Variants in CBFA2T3 observed in about 807,000 individuals in gnomAD.
The protein encoded by CBFA2T3 is transcriptional corepressor CBFA2T3.
Under a neutral mutation model 58.6 loss-of-function variants are expected in CBFA2T3, and 31 were observed. That is an observed-to-expected ratio of 0.53 (90% CI 0.40 to 0.71). The LOEUF (loss-of-function observed/expected upper bound fraction) is 0.71, where lower values mean the gene tolerates loss of function less well. CBFA2T3 is among the 30% of genes least tolerant of loss of function. The pLI, the probability that CBFA2T3 is intolerant of heterozygous loss-of-function variation, is 0.00. For missense variants in CBFA2T3, 1,076 were observed against 963.1 expected (o/e 1.12, Z -1.55); for synonymous variants, 531 against 421.9 (o/e 1.26, Z -3.17).
chr16:88,877,307 G>C, intron 11 of CBFA2T3, 32 bp from the exon 12 acceptor site: 1 of 1,512,194 alleles, frequency 6.6e-7, no homozygotes, highest in East Asian at 2.5e-5. Context: ...AGTCAGGGCT[G>C]GGTCTGGCCA....
intron 1 of CBFA2T3, among the ~76,000 whole-genome samples, chr16:88,975,193 TCAGAGGTCCAC>T (rs1972808882): frequency 9.4e-6 from 1 of 106,312 alleles, no homozygotes; most frequent in Admixed American, 9.0e-5. Context: ...TTTAGCCATG[TCAGAGGTCCAC>T]CCTGACCCTC....
intron 1 of CBFA2T3, among the ~76,000 whole-genome samples, chr16:88,957,101 C>T (rs570437779): frequency 4.7e-4 from 71 of 152,362 alleles, no homozygotes; most frequent in African/African-American, 1.7e-3. Flanking sequence ...CGCCCTTGGG[C>T]TTCAGGCCCC....
intron 1 of CBFA2T3, among the ~76,000 whole-genome samples, chr16:88,956,220 C>T (rs1972216752): frequency 6.6e-6 from 1 of 152,288 alleles, no homozygotes; most frequent in African/African-American, 2.4e-5. Flanking sequence ...ACAGAATGGC[C>T]AGGAAACTGA....
intron 2 of CBFA2T3, among the ~76,000 whole-genome samples, chr16:88,900,764 C>T (rs1488340274): frequency 6.6e-6 from 1 of 152,240 alleles, no homozygotes; most frequent in Non-Finnish European, 1.5e-5. Context: ...GGCCAAAGAG[C>T]ACCAATGTCT....
chr16:88,969,358 C>T (rs997313419), intron 1 of CBFA2T3, among the ~76,000 whole-genome samples: 2 of 152,194 alleles, frequency 1.3e-5, no homozygotes, highest in African/African-American at 4.8e-5. Flanking sequence ...TACTGGGCTC[C>T]CTCCCGGCTG....
chr16:88,915,704 CGGG>C (rs1169480409), intron 1 of CBFA2T3, among the ~76,000 whole-genome samples: 1 of 31,374 alleles, frequency 3.2e-5, no homozygotes, highest in Non-Finnish European at 6.0e-5. Context: ...GGAGCGTGGA[CGGG>C]GGGAGCGTGG....
At chr16:88,884,382 G>A (rs1969269531) in intron 7 of CBFA2T3, among the ~76,000 whole-genome samples, 1 of 152,190 alleles carries the variant, frequency 6.6e-6, no homozygotes, top group South Asian at 2.1e-4. Context: ...ACCATCTCTG[G>A]GTTCTCAGCA....
At chr16:88,895,427 G>C (rs552136655) in intron 3 of CBFA2T3, among the ~76,000 whole-genome samples, 182 of 152,350 alleles carry the variant, frequency 1.2e-3, no homozygotes, top group African/African-American at 4.2e-3. Flanking sequence ...CCTGCACACA[G>C]GCTGCGCGGT....
At chr16:88,896,514 C>G (rs904347096) in intron 3 of CBFA2T3, among the ~76,000 whole-genome samples, 2 of 152,200 alleles carry the variant, frequency 1.3e-5, no homozygotes, top group Non-Finnish European at 2.9e-5. Context: ...TTCTGAGCCT[C>G]TGTCCGGAGG....
Position 88,885,914 on chromosome 16 carries a change from G to A in CBFA2T3, c.893+47C>T, listed in dbSNP as rs1293815422. On this transcript the variant is annotated intron_variant, in intron 6 of 11. Transcript: ENST00000268679. This position sits in a 1 kb window ranked among gnomAD's most constrained non-coding sequence, Gnocchi z 5.3. ...TACCCAGAGGGGAGCAGGGTGAGCC[G>A]CGTGTCCACGGCACCCCCAGCCCAG... 46 of 1,496,444 alleles carry A rather than the reference G, an allele frequency of 3.1e-5. No homozygotes were observed. The highest frequency in any genetic ancestry group is 8.4e-5 in the African/African-American group (6 of 71,784). The allele number at this position is 1,496,444 out of a possible 1,614,324, so 92.7% of individuals were successfully genotyped here.
chr16:88,892,129 G>C (rs1476874990), intron 4 of CBFA2T3, 115 bp downstream of exon 4: 2 of 1,427,612 alleles, frequency 1.4e-6, no homozygotes, highest in African/African-American at 2.8e-5. Flanking sequence ...CGTGGGAGCG[G>C]GTCCACGCCC....
intron 5 of CBFA2T3, chr16:88,887,203 T>C (rs1969414681): frequency 6.6e-6 from 1 of 152,298 alleles, no homozygotes; most frequent in Non-Finnish European, 1.5e-5. Flanking sequence ...CACGAGTGCA[T>C]CCACCAGGCC....
chr16:88,968,738 T>C (rs1972576275), intron 1 of CBFA2T3, among the ~76,000 whole-genome samples: 1 of 152,102 alleles, frequency 6.6e-6, no homozygotes, highest in Non-Finnish European at 1.5e-5. Flanking sequence ...GCAAGAAGCT[T>C]CGGGGTCCAG....
At chr16:88,895,661 G>A (rs1011717909) in intron 3 of CBFA2T3, among the ~76,000 whole-genome samples, 1 of 152,168 alleles carries the variant, frequency 6.6e-6, no homozygotes, top group Non-Finnish European at 1.5e-5. Flanking sequence ...GGGGCCCAGC[G>A]CTCACTCTGC....
At chr16:88,946,411 A>T (rs1971902971) in intron 1 of CBFA2T3, among the ~76,000 whole-genome samples, 1 of 152,212 alleles carries the variant, frequency 6.6e-6, no homozygotes, top group South Asian at 2.1e-4. Flanking sequence ...ATGTAAAATG[A>T]TGGAAGTAGT....
chr16:88,951,880 G>A (rs1972083136), intron 1 of CBFA2T3, among the ~76,000 whole-genome samples: 1 of 152,220 alleles, frequency 6.6e-6, no homozygotes, highest in Non-Finnish European at 1.5e-5. Flanking sequence ...GGGTCTGTGG[G>A]GCCTGAAACC....
At chr16:88,966,945 C>A (rs1333541451) in intron 1 of CBFA2T3, among the ~76,000 whole-genome samples, 2 of 152,228 alleles carry the variant, frequency 1.3e-5, no homozygotes, top group African/African-American at 4.8e-5. Flanking sequence ...ACACTCTAGT[C>A]CCTGTGGCCA....
intron 7 of CBFA2T3, chr16:88,883,627 G>A (rs1304336043): frequency 6.6e-6 from 1 of 151,696 alleles, no homozygotes; most frequent in African/African-American, 2.4e-5. Flanking sequence ...TGGGAGACGT[G>A]AGTGACGCCC....
chr16:88,966,023 C>T (rs1000556887), intron 1 of CBFA2T3, among the ~76,000 whole-genome samples: 1 of 152,218 alleles, frequency 6.6e-6, no homozygotes, highest in Non-Finnish European at 1.5e-5. Context: ...CCCCACAGAG[C>T]ATGGGTGCAT....
Sources: allele counts gnomAD v4.1 joint callset (sites outside exome capture counted in the v4.1 genomes callset), GRCh38; gene constraint gnomAD v4.1.1; non-coding constraint Gnocchi (gnomAD v3.1); transcripts MANE v1.5; gene names NCBI Gene and HGNC (gene_info 2026-07-23, HGNC 2026-07-21).